Variants in MFSD12 observed in about 807,000 individuals in gnomAD.
MFSD12 encodes the protein major facilitator superfamily domain containing 12, also known as major facilitator superfamily domain-containing protein 12.
Under a neutral mutation model 51.2 loss-of-function variants are expected in MFSD12, and 67 were observed. The ratio of observed to expected loss-of-function variants is 1.31; its 90% CI spans 1.08 to 1.60. The LOEUF (loss-of-function observed/expected upper bound fraction) is 1.60, where lower values mean the gene tolerates loss of function less well. MFSD12 is among the 40% of genes most tolerant of loss of function. The pLI is 0.00. For missense variants in MFSD12, 921 were observed against 673.0 expected, an observed-to-expected ratio of 1.37 and a Z score of -4.08; for synonymous variants, 441 against 316.7, an observed-to-expected ratio of 1.39 and a Z score of -4.17.
chr19:3,546,881 T>G (rs907800062), intron 6 of MFSD12, among the ~76,000 whole-genome samples: 1 of 152,086 alleles, frequency 6.6e-6, no homozygotes, highest in Non-Finnish European at 1.5e-5. Flanking sequence ...TCGCCCAGGC[T>G]GGAGTGCAGT....
At position 3,557,310 on chromosome 19, in the gene MFSD12, T is replaced by C. The variant is rs756671355; in HGVS notation, c.94A>G (p.Asn32Asp). The change falls in exon 1 of 10, where the codon AAC becomes GAC. Residue 32 changes from asparagine (N) to aspartate (D), a missense_variant. By Grantham distance (23) the Asn-to-Asp change is conservative. Transcript: ENST00000355415. ...AACCACATGGACGCGCACAGGTCGT[T>C]GAGGAAGTGGCCCACGGCGTAGCTC... ...RLSYAVGHFL[N>D]DLCASMWFTY... 174 of 1,589,168 alleles carry C rather than the reference T, an allele frequency of 1.1e-4. No individual in the cohort carries two copies. Among genetic ancestry groups the C allele is most frequent in the Non-Finnish European group, 1.4e-4 (160 of 1,169,760 alleles).
chr19:3,549,081 G>A (rs1196649704), intron 2 of MFSD12, among the ~76,000 whole-genome samples: 1 of 152,180 alleles, frequency 6.6e-6, no homozygotes, highest in Admixed American at 6.5e-5. Flanking sequence ...CCAGCTCACG[G>A]GGAGGATTAA....
Position 3,545,656 on chromosome 19 carries a change from T to C in MFSD12, c.1289+418A>G, listed in dbSNP as rs368167820. Among the ~76,000 whole-genome samples, 11 of 152,344 alleles carry C rather than the reference T, an allele frequency of 7.2e-5. No individual in the cohort carries two copies. The South Asian group carries it at 2.1e-3, about 29-fold the overall frequency. On this transcript the variant is annotated intron_variant, in intron 8 of 9. Transcript: ENST00000355415. ...CCGGTACCAACCACATGTTCACCTC[T>C]GTGACTATTAACACGGCTGGCTCTG...
intron 8 of MFSD12, 28 bp from the exon 9 acceptor site, chr19:3,544,967 G>T: frequency 1.3e-6 from 2 of 1,584,474 alleles, no homozygotes; most frequent in Non-Finnish European, 8.6e-7. Flanking sequence ...GGATGAGTAG[G>T]CACCGCGGGT....
downstream of MFSD12, chr19:3,543,618 CCCCCAGCACCCGGT>C (rs1218264256): frequency 1.3e-6 from 2 of 1,544,138 alleles, no homozygotes; most frequent in African/African-American, 2.7e-5. Flanking sequence ...CAGTACCAGG[CCCCCAGCACCCGGT>C]GGGGGAGCGC....
At chr19:3,549,876 CA>C (rs970091064) in intron 2 of MFSD12, among the ~76,000 whole-genome samples, 138 of 147,308 alleles carry the variant, frequency 9.4e-4, no homozygotes, top group African/African-American at 3.2e-3. Flanking sequence ...ACTAAAAATA[CA>C]AAAAAAAAAT....
chr19:3,544,518 G>C lies in MFSD12; in HGVS notation c.*192C>G, dbSNP rs759299630. 17 of 1,405,650 alleles carry C rather than the reference G, an allele frequency of 1.2e-5. No individual in the cohort carries two copies. The highest frequency in any genetic ancestry group is 1.6e-5 in the South Asian group (1 of 60,676). The allele number at this position is 1,405,650 out of a possible 1,614,324, so 87.1% of individuals were successfully genotyped here. A position where few individuals can be genotyped will look rare whatever the true frequency, so the allele number is the denominator to read the frequency against. ...GAGAATGGGACACCCTCAAAACCCA[G>C]GGGGTCCTTGCAAGTCCCTGGCGGG... On this transcript the variant is annotated 3_prime_UTR_variant, in exon 10 of 10. Coordinates refer to ENST00000355415, the MANE Select transcript of MFSD12 (RefSeq NM_174983.5).
At chr19:3,538,844 T>TG (rs1456606784) in intron 4 of MFSD12, 1 of 569,524 alleles carries the variant, frequency 1.8e-6, no homozygotes, top group African/African-American at 1.9e-5. Context: ...GGCCAGGCAC[T>TG]GCCTCCTGCG....
Position 3,547,532 on chromosome 19 carries a change from T to G in MFSD12, c.853A>C (p.Met285Leu). 2 of 1,611,520 alleles carry G rather than the reference T, an allele frequency of 1.2e-6. No individual in the cohort carries two copies. Among genetic ancestry groups the G allele is most frequent in the South Asian group, 1.1e-5 (1 of 90,784 alleles). ...PAFYQVGILY[M>L]TTRLIVNLSQ... ...AGGTTCACGATGAGCCTGGTGGTCA[T>G]GTACAGTATGCCCACCTGTGGGCAG... Residue 285 changes from methionine to leucine, a missense_variant, in exon 5 of 10, where the codon ATG becomes CTG. Physicochemically the swap from Met to Leu is conservative, Grantham distance 15. Coordinates refer to ENST00000355415, the MANE Select transcript of MFSD12 (RefSeq NM_174983.5).
intron 8 of MFSD12, 47 bp from the exon 9 acceptor site, chr19:3,544,986 C>CT (rs774196955): frequency 6.5e-7 from 1 of 1,550,144 alleles, no homozygotes; most frequent in Admixed American, 1.9e-5. Flanking sequence ...GTACCACCCC[C>CT]CCGCCACCCA....
intron 2 of MFSD12, 126 bp downstream of exon 2, chr19:3,550,858 A>T (rs1205901022): frequency 1.3e-6 from 1 of 790,276 alleles, no homozygotes; most frequent in African/African-American, 1.7e-5. Context: ...CTTTCAAAAA[A>T]ATAAACATGA....
chr19:3,540,332 A>G (rs1568247354), downstream of MFSD12, among the ~76,000 whole-genome samples: 2 of 150,948 alleles, frequency 1.3e-5, no homozygotes, highest in African/African-American at 2.4e-5. Flanking sequence ...ATCTTGGCTC[A>G]CTGCAACCTC....
intron 6 of MFSD12, 145 bp downstream of exon 6, chr19:3,547,127 C>T (rs1029331893): frequency 2.9e-5 from 21 of 718,950 alleles, no homozygotes; most frequent in African/African-American, 2.5e-4. Context: ...CGTGAGCCAC[C>T]GTGCCCGGCC....
chr19:3,540,776 G>T (rs915928733), downstream of MFSD12, among the ~76,000 whole-genome samples: 2 of 151,314 alleles, frequency 1.3e-5, no homozygotes, highest in African/African-American at 4.9e-5. Flanking sequence ...CTACTTGGGA[G>T]GCTGAGGCAG....
At chr19:3,539,897 C>G (rs1365510888), downstream of MFSD12, 9 of 152,168 alleles carry the variant, frequency 5.9e-5, no homozygotes, top group Admixed American at 5.9e-4. Context: ...TTATGGAATA[C>G]TATGCAGCCA....
At chr19:3,538,690 T>C (rs551778641) in exon 5 of MFSD12, 2 of 473,142 alleles carry the variant, frequency 4.2e-6, no homozygotes, top group African/African-American at 2.0e-5. Context: ...TCACTGGGTG[T>C]TCGGTGTTCT....
At chr19:3,539,761 C>G (rs61733754), downstream of MFSD12, 2 of 158,204 alleles carry the variant, frequency 1.3e-5, no homozygotes, top group African/African-American at 4.8e-5. Flanking sequence ...ACGGGGTGAC[C>G]TCATCTTAGC....
At chr19:3,548,981 A>C (rs2031293327) in intron 2 of MFSD12, among the ~76,000 whole-genome samples, 1 of 152,192 alleles carries the variant, frequency 6.6e-6, no homozygotes, top group Non-Finnish European at 1.5e-5. Flanking sequence ...GACTCCCCCG[A>C]CACGAAGGCG....
At chr19:3,543,365 G>A (rs752664329), downstream of MFSD12, 167 of 1,549,174 alleles carry the variant, frequency 1.1e-4, no homozygotes, top group Middle Eastern at 7.3e-4. Flanking sequence ...CAACTCGGAC[G>A]CCTGGGAAGC....
Sources: gnomAD v4.1 joint callset for allele counts (sites outside exome capture counted in the v4.1 genomes callset) on GRCh38, gnomAD v4.1.1 for gene constraint, MANE v1.5 for transcripts, NCBI Gene and HGNC (gene_info 2026-07-23, HGNC 2026-07-21) for gene names.